EDAR: variants seen among roughly 807,000 people sequenced by gnomAD.
EDAR encodes the protein ectodysplasin A receptor.
In EDAR, 38 loss-of-function variants were observed where a neutral mutation model predicts 51.3. The ratio of observed to expected loss-of-function variants is 0.74; its 90% CI spans 0.57 to 0.97. The LOEUF is 0.97. Among genes scored for constraint, EDAR ranks in the 50% least tolerant of loss-of-function variants. The pLI, the probability that EDAR is intolerant of heterozygous loss-of-function variation, is 0.00. For missense variants in EDAR, 528 were observed against 595.0 expected (o/e 0.89, Z 1.17); for synonymous variants, 227 against 242.1 (o/e 0.94, Z 0.58).
In EDAR at chr2:108,896,782, C is replaced by G. The variant is rs2105371091; in HGVS notation, c.*125G>C. On this transcript the variant is annotated 3_prime_UTR_variant, in exon 12 of 12. Transcript: ENST00000258443. ...TATTTCGTCTGGCTCCTTGAACATC[C>G]TAAGGCATACGGTGACATATCACAA... 3 of 947,788 alleles carry G rather than the reference C, an allele frequency of 3.2e-6. No individual in the cohort carries two copies. In the South Asian group the frequency reaches 4.8e-5, roughly 15 times the overall value. The allele number at this position is 947,788 out of a possible 1,614,324, so 58.7% of individuals were successfully genotyped here.
At chr2:108,963,210 T>G (rs1300211172) in intron 1 of EDAR, among the ~76,000 whole-genome samples, 2 of 152,176 alleles carry the variant, frequency 1.3e-5, no homozygotes, top group Non-Finnish European at 2.9e-5. Flanking sequence ...AAGTTTTACA[T>G]GATGTATTCT....
chr2:108,911,984 C>T (rs1179174457), intron 6 of EDAR, among the ~76,000 whole-genome samples: 2 of 152,216 alleles, frequency 1.3e-5, no homozygotes, highest in Non-Finnish European at 1.5e-5. Flanking sequence ...CTACTCCCCC[C>T]GGGGCCTGTG....
intron 1 of EDAR, among the ~76,000 whole-genome samples, chr2:108,937,829 G>T (rs1032896034): frequency 6.6e-6 from 1 of 152,196 alleles, no homozygotes; most frequent in Non-Finnish European, 1.5e-5. Flanking sequence ...CCTGCGGGGA[G>T]AGGCACAGAT....
Position 108,940,886 on chromosome 2 carries a change from T to C in EDAR, c.-18-9854A>G, listed in dbSNP as rs371737828. Among the ~76,000 whole-genome samples, 4 of 152,168 alleles carry C rather than the reference T, an allele frequency of 2.6e-5. No homozygotes were observed. The East Asian group carries it at 5.8e-4, about 22-fold the overall frequency. On this transcript the variant is annotated intron_variant, in intron 1 of 11. Coordinates refer to ENST00000258443, the MANE Select transcript of EDAR (RefSeq NM_022336.4). The stretch of plus-strand genomic sequence containing the variant: ...TTTAAAACTAATCACGTTTATTGAG[T>C]TGTAATTAACTTGCAATAAGCTTCA...
Position 108,896,921 on chromosome 2 carries a change from G to A in EDAR, c.1333C>T (p.His445Tyr), listed in dbSNP as rs758717240. The A allele has an allele frequency of 5.6e-6, 9 of 1,612,448 alleles. No individual in the cohort carries two copies. In the Admixed American group the frequency reaches 6.7e-5, roughly 12 times the overall value. Residue 445 changes from histidine to tyrosine, a missense_variant, in exon 12 of 12, where the codon CAT becomes TAT. Coordinates refer to ENST00000258443, the MANE Select transcript of EDAR (RefSeq NM_022336.4). ...AGGCATGCTTTTCAGGATGCAGCATGTGGCTGGGAGGCAGGTGGCACAACC... is the reference window on the plus strand; with the variant it reads ...AGGCATGCTTTTCAGGATGCAGCATATGGCTGGGAGGCAGGTGGCACAACC... ...AGVVPPASQP[H>Y]AAS
At chr2:108,963,507 C>T (rs1454924544) in intron 1 of EDAR, among the ~76,000 whole-genome samples, 1 of 152,122 alleles carries the variant, frequency 6.6e-6, no homozygotes. Flanking sequence ...TCCCCGTTAC[C>T]CAATGTACCC....
intron 3 of EDAR, 104 bp downstream of exon 3, chr2:108,930,016 C>T: frequency 7.1e-7 from 1 of 1,407,348 alleles, no homozygotes; most frequent in Non-Finnish European, 9.6e-7. Flanking sequence ...GTTTGATATA[C>T]CCTGGCATCC....
chr2:108,928,960 A>G (rs1316670975), intron 4 of EDAR, among the ~76,000 whole-genome samples: 1 of 152,200 alleles, frequency 6.6e-6, no homozygotes, highest in African/African-American at 2.4e-5. Flanking sequence ...AGATATTATG[A>G]TGGTTAATGG....
chr2:108,955,862 T>TA (rs568336290), intron 1 of EDAR, among the ~76,000 whole-genome samples: 9 of 151,504 alleles, frequency 5.9e-5, no homozygotes, highest in African/African-American at 7.3e-5. Context: ...CTGTCTGTAC[T>TA]AAAAAAAATA....
chr2:108,938,464 C>T (rs1234599542), intron 1 of EDAR, among the ~76,000 whole-genome samples: 1 of 152,204 alleles, frequency 6.6e-6, no homozygotes, highest in East Asian at 1.9e-4. Context: ...TGCTCGGGTG[C>T]TCTGCACTCT....
At chr2:108,900,758 G>C (rs1696684936) in intron 11 of EDAR, among the ~76,000 whole-genome samples, 1 of 152,110 alleles carries the variant, frequency 6.6e-6, no homozygotes, top group Admixed American at 6.5e-5. Context: ...AGGCAGAGTG[G>C]CTATAACATC....
intron 1 of EDAR, among the ~76,000 whole-genome samples, chr2:108,977,310 C>A (rs1188496520): frequency 6.6e-6 from 1 of 152,144 alleles, no homozygotes; most frequent in East Asian, 1.9e-4. Flanking sequence ...GCTCTGTCGC[C>A]CAGGCTGGAA....
chr2:108,986,791 T>C (rs527348407), intron 1 of EDAR, among the ~76,000 whole-genome samples: 2 of 152,202 alleles, frequency 1.3e-5, no homozygotes, highest in Admixed American at 6.5e-5. Context: ...TTAAAAAAAA[T>C]TCCTTCCTGC....
At chr2:108,974,746 T>A (rs1195523035) in intron 1 of EDAR, among the ~76,000 whole-genome samples, 2 of 151,920 alleles carry the variant, frequency 1.3e-5, no homozygotes, top group Non-Finnish European at 2.9e-5. Context: ...AAAAAGATAC[T>A]ATTCCCATTT....
intron 1 of EDAR, among the ~76,000 whole-genome samples, chr2:108,973,259 A>G (rs1698266215): frequency 6.6e-6 from 1 of 152,212 alleles, no homozygotes; most frequent in African/African-American, 2.4e-5. Context: ...AAGTTCTGGG[A>G]TTACAGGCAT....
intron 11 of EDAR, among the ~76,000 whole-genome samples, chr2:108,901,747 A>G (rs1696703108): frequency 6.6e-6 from 1 of 152,250 alleles, no homozygotes; most frequent in African/African-American, 2.4e-5. Flanking sequence ...ATCACAACTT[A>G]CCCAATATAA....
chr2:108,896,246 A>G lies in EDAR; in HGVS notation c.*661T>C, dbSNP rs1223375354. 6.6e-6 allele frequency: 1 copy of G among 152,486 alleles called. No individual in the cohort carries two copies. The highest frequency in any genetic ancestry group is 1.5e-5 in the Non-Finnish European group (1 of 68,230). 9.4% of individuals were successfully genotyped at this position (152,486 alleles called of 1,614,324 possible). On this transcript the variant is annotated 3_prime_UTR_variant, in exon 12 of 12. Transcript: ENST00000258443. ...GCCTGTAAGAATATGGATGACCTCA[A>G]GGATAGGTAAAAAGTTATCCTAATG...
In EDAR at chr2:108,930,148, G is replaced by C. The variant is rs375891208; in HGVS notation, c.146C>G (p.Pro49Arg). Reference sequence around the variant, plus strand: ...GTAGGGCTCCTCTCCCGGCCCACACGGGGGGCACTCCTGGCACAGCCCCGT... The same window carrying C: ...GTAGGGCTCCTCTCCCGGCCCACACCGGGGGCACTCCTGGCACAGCCCCGT... Reference protein sequence around the residue: ...QTTGLCQECPPCGPGEEPYLS... With the variant: ...QTTGLCQECPRCGPGEEPYLS... Residue 49 changes from proline to arginine, a missense_variant, in exon 3 of 12, where the codon CCG becomes CGG. Physicochemically the swap from Pro to Arg is moderately radical, Grantham distance 103. Transcript: ENST00000258443. 9.3e-6 allele frequency: 15 copies of C among 1,613,888 alleles called. No individual in the cohort carries two copies. The highest frequency in any genetic ancestry group is 1.7e-4 in the Middle Eastern group (1 of 6,060).
intron 10 of EDAR, among the ~76,000 whole-genome samples, chr2:108,907,009 C>G (rs996222004): frequency 6.6e-6 from 1 of 152,222 alleles, no homozygotes; most frequent in African/African-American, 2.4e-5. Flanking sequence ...GGGCCTGCAG[C>G]CAGGGGCACA....
Sources: gnomAD v4.1 joint callset for allele counts (sites outside exome capture counted in the v4.1 genomes callset) on GRCh38, gnomAD v4.1.1 for gene constraint, MANE v1.5 for transcripts, NCBI Gene and HGNC (gene_info 2026-07-23, HGNC 2026-07-21) for gene names.